Variants in TMEM181 observed in about 807,000 individuals in gnomAD.
The protein encoded by TMEM181 is G protein-coupled receptor 178.
TMEM181 carries 39 observed loss-of-function variants against 71.9 expected under a neutral mutation model. The observed-to-expected ratio is 0.54, with a 90% CI of 0.42 to 0.71. The LOEUF (loss-of-function observed/expected upper bound fraction) is 0.71. Ranked by LOEUF, TMEM181 falls within the 30% of genes least tolerant of loss-of-function variation. TMEM181 has a pLI of 0.00. For missense variants in TMEM181, 595 were observed against 583.0 expected (o/e 1.02, Z -0.21); for synonymous variants, 245 against 228.8 (o/e 1.07, Z -0.64).
intron 2 of TMEM181, among the ~76,000 whole-genome samples, chr6:158,580,450 A>G (rs1783409636): frequency 6.6e-6 from 1 of 152,260 alleles, no homozygotes; most frequent in Non-Finnish European, 1.5e-5. Flanking sequence ...TATACCTATT[A>G]GTTAAAACTT....
Position 158,632,592 on chromosome 6 carries a change from T to C in TMEM181, c.*704T>C, listed in dbSNP as rs1207909778. 2.6e-5 allele frequency: 4 copies of C among 152,402 alleles called. No individual in the cohort carries two copies. The highest frequency in any genetic ancestry group is 2.6e-4 in the Admixed American group (4 of 15,296). The allele number at this position is 152,402 out of a possible 1,614,324, so 9.4% of individuals were successfully genotyped here. A position where few individuals can be genotyped will look rare whatever the true frequency, so the allele number is the denominator to read the frequency against. Reference sequence around the variant, plus strand: ...AGATAATTTACAGGTTACCAACTCATGTGGGGAAGGTCTTACTGCCATGGT... The same window carrying C: ...AGATAATTTACAGGTTACCAACTCACGTGGGGAAGGTCTTACTGCCATGGT... On this transcript the variant is annotated 3_prime_UTR_variant, in exon 17 of 17. Coordinates refer to ENST00000684151, the MANE Select transcript of TMEM181 (RefSeq NM_001376852.1).
intron 11 of TMEM181, among the ~76,000 whole-genome samples, chr6:158,624,249 G>A (rs925349498): frequency 6.6e-6 from 1 of 152,214 alleles, no homozygotes; most frequent in Non-Finnish European, 1.5e-5. Context: ...ACACCGGAGA[G>A]CAGAGCCTTC....
intron 14 of TMEM181, 119 bp downstream of exon 14, chr6:158,628,609 G>A (rs529414216): frequency 1.2e-5 from 10 of 819,090 alleles, no homozygotes; most frequent in South Asian, 3.3e-5. Flanking sequence ...CCTGTTCTCC[G>A]GAGGCCTCGT....
At chr6:158,562,953 G>C (rs1488157617) in intron 1 of TMEM181, among the ~76,000 whole-genome samples, 1 of 152,154 alleles carries the variant, frequency 6.6e-6, no homozygotes, top group Non-Finnish European at 1.5e-5. Flanking sequence ...CAAGGCTTTA[G>C]AGCTGAGCCC....
At chr6:158,595,609 C>T (rs1428753220) in intron 6 of TMEM181, among the ~76,000 whole-genome samples, 2 of 152,164 alleles carry the variant, frequency 1.3e-5, no homozygotes, top group Non-Finnish European at 2.9e-5. Context: ...GAGAATGAAC[C>T]TTCATAGCTT....
intron 1 of TMEM181, among the ~76,000 whole-genome samples, chr6:158,571,656 C>A (rs1467255215): frequency 1.3e-5 from 2 of 152,224 alleles, no homozygotes; most frequent in East Asian, 3.8e-4. Context: ...ATAGACTTGA[C>A]ACCTGGGTTA....
chr6:158,610,637 T>G (rs1030389369), intron 10 of TMEM181: 5 of 317,672 alleles, frequency 1.6e-5, no homozygotes, highest in African/African-American at 1.1e-4. Context: ...TCTGGAGAAG[T>G]GAAATGAGTG....
Position 158,573,462 on chromosome 6 carries a change from T to C in TMEM181, c.51T>C (p.Phe17=). ...MRLYTLSKRH[F]VLVFVVFFIC... ...TCTACACGCTCTCCAAGCGCCACTT[T>C]GTCCTCGTGTTTGTCGTCTTCTTCA... Residue 17 remains phenylalanine, a synonymous_variant, in exon 2 of 17, where the codon TTT becomes TTC. Coordinates refer to ENST00000684151, the MANE Select transcript of TMEM181 (RefSeq NM_001376852.1). 19 of 1,604,382 alleles carry C rather than the reference T, an allele frequency of 1.2e-5. No individual in the cohort carries two copies. The highest frequency in any genetic ancestry group is 1.6e-5 in the Non-Finnish European group (19 of 1,175,554).
At chr6:158,607,746 G>C (rs577917007) in intron 8 of TMEM181, among the ~76,000 whole-genome samples, 1 of 152,336 alleles carries the variant, frequency 6.6e-6, no homozygotes, top group African/African-American at 2.4e-5. Context: ...GGGAGCCCCA[G>C]AAGGAACATG....
chr6:158,559,174 C>T (rs1262628322), upstream of TMEM181, among the ~76,000 whole-genome samples: 1 of 152,016 alleles, frequency 6.6e-6, no homozygotes, highest in African/African-American at 2.4e-5. Flanking sequence ...TGCATTCTGT[C>T]CCCTACCTTC....
intron 13 of TMEM181, chr6:158,626,632 C>T: frequency 2.2e-6 from 1 of 453,544 alleles, no homozygotes. Context: ...GACTTGAACT[C>T]AAATTTCATT....
chr6:158,573,636 G>A lies in TMEM181; in HGVS notation c.112+113G>A, dbSNP rs1049073464. ...CTTCCACTGCTAAGGGCCCCAGCGT[G>A]GAGGGAGAAGTGTCCACAGGGTGGA... On this transcript the variant is annotated intron_variant, in intron 2 of 16. Coordinates refer to ENST00000684151, the MANE Select transcript of TMEM181 (RefSeq NM_001376852.1). The A allele has an allele frequency of 4.7e-6, 4 of 859,958 alleles. No homozygotes were observed. The African/African-American group carries it at 6.7e-5, about 14-fold the overall frequency. The allele number at this position is 859,958 out of a possible 1,614,324, so 53.3% of individuals were successfully genotyped here.
In TMEM181 at chr6:158,573,092, CTG is replaced by C. The variant is rs539286510; in HGVS notation, c.9-325_9-324del. Among the ~76,000 whole-genome samples the C allele has an allele frequency of 5.9e-5, 9 of 152,266 alleles. No individual in the cohort carries two copies. In the East Asian group the frequency reaches 1.7e-3, roughly 29 times the overall value. On this transcript the variant is annotated intron_variant, in intron 1 of 16. Coordinates refer to ENST00000684151, the MANE Select transcript of TMEM181 (RefSeq NM_001376852.1). ...GAGTAGTGGGATCTGGCCACTGCCT[CTG>C]TGGCAGTGACCCCTGGGGGGCCTAG...
At chr6:158,618,705 C>T (rs1263485318) in intron 10 of TMEM181, among the ~76,000 whole-genome samples, 2 of 152,226 alleles carry the variant, frequency 1.3e-5, no homozygotes, top group African/African-American at 2.4e-5. Context: ...AAAAATCTCT[C>T]AGCATTTGCT....
At chr6:158,628,840 T>C (rs929045580) in intron 14 of TMEM181, among the ~76,000 whole-genome samples, 2 of 152,204 alleles carry the variant, frequency 1.3e-5, no homozygotes, top group South Asian at 2.1e-4. Flanking sequence ...TGAGGTGCGG[T>C]TGCCTCTCCA....
chr6:158,608,408 TC>T lies in TMEM181; in HGVS notation c.751del (p.Leu251CysfsTer24). ...CTGGATGACCTCTTTCAGTCCATGT[TC>T]CTGTGCGCCCTGCTGCTCTTCTGGC... The part of the protein sequence containing the change: ...GMLDDLFQSM[F>X]LCALLLFWLC... On this transcript the variant is annotated frameshift_variant, in exon 9 of 17. Transcript: ENST00000684151. LOFTEE classifies it high-confidence loss of function. The T allele has an allele frequency of 6.2e-7, 1 of 1,614,204 alleles. No individual in the cohort carries two copies. The highest frequency in any genetic ancestry group is 2.2e-5 in the East Asian group (1 of 44,890).
chr6:158,557,266 TG>T (rs1781929120), upstream of TMEM181, among the ~76,000 whole-genome samples: 3 of 152,174 alleles, frequency 2.0e-5, no homozygotes, highest in South Asian at 6.2e-4. Flanking sequence ...CTCAGCTACA[TG>T]GGAGACTGAG....
chr6:158,572,304 C>A (rs1582963197), intron 1 of TMEM181: 1 of 347,638 alleles, frequency 2.9e-6, no homozygotes, highest in Non-Finnish European at 5.6e-6. Flanking sequence ...CAGGGCCAGG[C>A]TGAGCATACT....
intron 5 of TMEM181, among the ~76,000 whole-genome samples, chr6:158,585,743 T>C (rs2128302482): frequency 6.6e-6 from 1 of 152,308 alleles, no homozygotes; most frequent in East Asian, 1.9e-4. Flanking sequence ...GTGTGTGACC[T>C]TCTGCCCAGT....
Sources: gnomAD v4.1 joint callset for allele counts (sites outside exome capture counted in the v4.1 genomes callset) on GRCh38, gnomAD v4.1.1 for gene constraint, MANE v1.5 for transcripts, NCBI Gene and HGNC (gene_info 2026-07-23, HGNC 2026-07-21) for gene names.